The following UNC13C variants were observed in gnomAD, a reference collection of about 807,000 sequenced individuals.
UNC13C encodes protein unc-13 homolog C.
A neutral mutation model predicts 245.4 loss-of-function variants in UNC13C; 174 were observed. The ratio of observed to expected loss-of-function variants is 0.71; its 90% CI spans 0.63 to 0.80. UNC13C has a LOEUF of 0.80. UNC13C is among the 30% of genes least tolerant of loss of function. UNC13C has a pLI of 0.00. For missense variants in UNC13C, 2,829 were observed against 2,602.9 expected (o/e 1.09, Z -1.89); for synonymous variants, 992 against 895.1 (o/e 1.11, Z -1.93).
chr15:53,899,604 C>T, the UNC13C span, among the ~76,000 whole-genome samples: 27,625 of 151,928 alleles, frequency 0.18, 2,818 homozygotes, highest in East Asian at 0.28. Context: ...TTTTTTTAGA[C>T]GGAGTTTCAC....
intron 10 of UNC13C, among the ~76,000 whole-genome samples, chr15:54,291,554 A>G (rs1047086031): frequency 1.3e-5 from 2 of 152,004 alleles, no homozygotes; most frequent in Non-Finnish European, 2.9e-5. Context: ...AAGAACGTGG[A>G]ACTTGTGGAA....
chr15:54,118,463 A>G (rs977942560), intron 2 of UNC13C, among the ~76,000 whole-genome samples: 1 of 152,130 alleles, frequency 6.6e-6, no homozygotes, highest in Non-Finnish European at 1.5e-5. Context: ...TGCTGTTGAT[A>G]TATAGAAATG....
chr15:54,359,671 T>C (rs1450050787), intron 17 of UNC13C, among the ~76,000 whole-genome samples: 1 of 151,936 alleles, frequency 6.6e-6, no homozygotes, highest in East Asian at 1.9e-4. Context: ...TTGAATCATT[T>C]GTATTTCTGT....
At chr15:53,868,258 A>G in the UNC13C span, among the ~76,000 whole-genome samples, 779 of 152,326 alleles carry the variant, frequency 5.1e-3, 2 homozygotes, top group African/African-American at 0.017. Context: ...GGACATTGCA[A>G]TGCACTTTCC....
chr15:54,372,080 A>C (rs1301770514), intron 17 of UNC13C, among the ~76,000 whole-genome samples: 1 of 152,092 alleles, frequency 6.6e-6, no homozygotes, highest in Non-Finnish European at 1.5e-5. Context: ...AATAGCTAAG[A>C]GAGTAGATTT....
At chr15:54,126,685 C>A (rs551152312) in intron 2 of UNC13C, among the ~76,000 whole-genome samples, 5 of 152,142 alleles carry the variant, frequency 3.3e-5, no homozygotes, top group African/African-American at 1.2e-4. Flanking sequence ...AAAGCGATGG[C>A]AACAAAAGCC....
At chr15:53,901,737 A>C in the UNC13C span, among the ~76,000 whole-genome samples, 1 of 152,210 alleles carries the variant, frequency 6.6e-6, no homozygotes, top group Non-Finnish European at 1.5e-5. Flanking sequence ...TTGATTTCCA[A>C]AAACATTTTG....
chr15:54,242,786 T>G (rs2035888533), intron 7 of UNC13C, among the ~76,000 whole-genome samples: 1 of 152,198 alleles, frequency 6.6e-6, no homozygotes, highest in African/African-American at 2.4e-5. Flanking sequence ...GTATCCATTT[T>G]TGATGCATAA....
the UNC13C span, among the ~76,000 whole-genome samples, chr15:53,858,395 CATA>C: frequency 6.6e-6 from 1 of 151,158 alleles, no homozygotes; most frequent in African/African-American, 2.4e-5. Flanking sequence ...ATTTTCTCCT[CATA>C]ATGAGTTTTT....
chr15:54,193,585 A>T (rs2034258523), intron 4 of UNC13C, among the ~76,000 whole-genome samples: 1 of 152,064 alleles, frequency 6.6e-6, no homozygotes, highest in African/African-American at 2.4e-5. Flanking sequence ...GTCTGCACTC[A>T]CACCCCCAGC....
intron 10 of UNC13C, among the ~76,000 whole-genome samples, chr15:54,280,691 A>G (rs796477942): frequency 1.1e-5 from 1 of 88,464 alleles, no homozygotes; most frequent in African/African-American, 6.9e-5. Flanking sequence ...TACATATATA[A>G]ACATATGTAT....
chr15:54,492,486 T>A (rs1295697295), intron 19 of UNC13C, among the ~76,000 whole-genome samples: 1 of 152,186 alleles, frequency 6.6e-6, no homozygotes, highest in Admixed American at 6.5e-5. Flanking sequence ...GCTTCATGTA[T>A]ATTAACATAG....
At chr15:54,566,912 A>C (rs567657303) in intron 29 of UNC13C, among the ~76,000 whole-genome samples, 1 of 152,224 alleles carries the variant, frequency 6.6e-6, no homozygotes, top group East Asian at 1.9e-4. Context: ...GTTACTAGTG[A>C]GTGCTTTGTT....
intron 2 of UNC13C, among the ~76,000 whole-genome samples, chr15:54,070,970 T>A (rs906279468): frequency 6.6e-6 from 1 of 152,198 alleles, no homozygotes; most frequent in Admixed American, 6.5e-5. Flanking sequence ...TTATTCAACA[T>A]CTATAGGGCC....
At chr15:54,377,284 T>C (rs1229610894) in intron 17 of UNC13C, among the ~76,000 whole-genome samples, 2 of 152,182 alleles carry the variant, frequency 1.3e-5, no homozygotes, top group East Asian at 3.9e-4. Flanking sequence ...AGATCAATTC[T>C]GCCATATTCT....
intron 13 of UNC13C, among the ~76,000 whole-genome samples, chr15:54,314,966 G>A (rs930546837): frequency 1.3e-4 from 19 of 151,574 alleles, no homozygotes; most frequent in African/African-American, 3.9e-4. Context: ...CCTTCTGACT[G>A]TGGTATGTGA....
At chr15:54,291,299 GAC>G (rs1385383670) in intron 10 of UNC13C, among the ~76,000 whole-genome samples, 4 of 151,898 alleles carry the variant, frequency 2.6e-5, no homozygotes, top group Non-Finnish European at 5.9e-5. Context: ...AGCTGCTCCA[GAC>G]ACAATGTCAT....
chr15:54,351,029 A>G (rs530523786), intron 17 of UNC13C, among the ~76,000 whole-genome samples: 10 of 152,324 alleles, frequency 6.6e-5, no homozygotes, highest in Non-Finnish European at 1.0e-4. Flanking sequence ...ATAGTTACCC[A>G]GGAAATTGAT....
intron 17 of UNC13C, among the ~76,000 whole-genome samples, chr15:54,349,759 T>C (rs1274379921): frequency 2.0e-5 from 3 of 152,170 alleles, no homozygotes; most frequent in African/African-American, 7.2e-5. Context: ...GCATGTTTAC[T>C]AGGATATTCA....
Sources: allele counts gnomAD v4.1 joint callset (sites outside exome capture counted in the v4.1 genomes callset), GRCh38; gene constraint gnomAD v4.1.1; transcripts MANE v1.5; gene names NCBI Gene and HGNC (gene_info 2026-07-23, HGNC 2026-07-21).